ADCY1: variants seen among roughly 807,000 people sequenced by gnomAD.
ADCY1 encodes the protein adenylate cyclase type 1.
ADCY1 carries 28 observed loss-of-function variants against 105.4 expected under a neutral mutation model. The observed-to-expected ratio is 0.27, with a 90% confidence interval of 0.20 to 0.36. ADCY1 has a LOEUF of 0.36. Among genes scored for constraint, ADCY1 ranks in the 10% least tolerant of loss-of-function variants. The probability of loss-of-function intolerance (pLI) is 1.00; values close to 1 mark genes in which losing one functional copy is unlikely to be tolerated. For synonymous variants in ADCY1, 655 were observed against 623.8 expected (o/e 1.05, Z -0.75); for missense variants, 977 against 1,434.2 (o/e 0.68, Z 5.15).
chr7:45,658,277 T>G (rs996249851), intron 6 of ADCY1, among the ~76,000 whole-genome samples: 1 of 152,188 alleles, frequency 6.6e-6, no homozygotes, highest in African/African-American at 2.4e-5. Flanking sequence ...GCTGGGACTT[T>G]AGAGCTCCTT....
intron 8 of ADCY1, among the ~76,000 whole-genome samples, chr7:45,668,874 T>G (rs1049537405): frequency 1.3e-4 from 20 of 152,240 alleles, no homozygotes; most frequent in African/African-American, 2.9e-4. Context: ...TGTATGTGTC[T>G]AGGAATTTAT....
chr7:45,712,774 G>C (rs545133331), intron 19 of ADCY1, among the ~76,000 whole-genome samples: 1 of 152,254 alleles, frequency 6.6e-6, no homozygotes, highest in Admixed American at 6.5e-5. Context: ...ACATAACGCA[G>C]AGATACCAGT....
chr7:45,581,587 A>G (rs1250415809), intron 1 of ADCY1, among the ~76,000 whole-genome samples: 1 of 152,126 alleles, frequency 6.6e-6, no homozygotes, highest in Non-Finnish European at 1.5e-5. Context: ...CCCAAGCAGC[A>G]TGGGGGCTGA....
intron 2 of ADCY1, among the ~76,000 whole-genome samples, chr7:45,605,097 A>G (rs1793338199): frequency 6.6e-6 from 1 of 152,174 alleles, no homozygotes; most frequent in Non-Finnish European, 1.5e-5. Context: ...ATGGTATTGT[A>G]TCTTAAATAT....
chr7:45,614,499 T>A (rs1793682371), intron 3 of ADCY1, among the ~76,000 whole-genome samples: 1 of 152,248 alleles, frequency 6.6e-6, no homozygotes, highest in Non-Finnish European at 1.5e-5. Context: ...ACTCCGAGAC[T>A]AATAGAATAC....
chr7:45,661,401 G>C (rs981820383), intron 7 of ADCY1, among the ~76,000 whole-genome samples: 1 of 152,120 alleles, frequency 6.6e-6, no homozygotes, highest in African/African-American at 2.4e-5. Flanking sequence ...CATTCCTGGA[G>C]AGGAGATGGG....
rs1228587595 is a variant in ADCY1 at position 45,719,212 on chromosome 7, T to G, written c.*5217T>G. Reference sequence around the variant, plus strand: ...GGCAGCTGCTTCCTGCACATAGACATTCCTCCTGCGCAGGGCCAAGTGCCC... The same window carrying G: ...GGCAGCTGCTTCCTGCACATAGACAGTCCTCCTGCGCAGGGCCAAGTGCCC... On this transcript the variant is annotated 3_prime_UTR_variant, in exon 20 of 20. Coordinates refer to ENST00000297323, the MANE Select transcript of ADCY1 (RefSeq NM_021116.4). 1 of 152,432 alleles carries G rather than the reference T, an allele frequency of 6.6e-6. No individual in the cohort carries two copies. The highest frequency in any genetic ancestry group is 1.5e-5 in the Non-Finnish European group (1 of 68,134). 9.4% of individuals were successfully genotyped at this position (152,432 alleles called of 1,614,324 possible).
At chr7:45,605,671 T>G (rs1325247147) in intron 2 of ADCY1, among the ~76,000 whole-genome samples, 2 of 152,232 alleles carry the variant, frequency 1.3e-5, no homozygotes, top group African/African-American at 4.8e-5. Context: ...GGGTATATAC[T>G]TCTTGTTGCA....
intron 6 of ADCY1, among the ~76,000 whole-genome samples, chr7:45,658,220 C>T (rs1199901810): frequency 6.6e-6 from 1 of 152,250 alleles, no homozygotes; most frequent in African/African-American, 2.4e-5. Flanking sequence ...CATCACTTCT[C>T]TTTTTGCTGT....
rs1785388622 is a variant in ADCY1, at chr7:45,717,897, T to C, written c.*3902T>C. On this transcript the variant is annotated 3_prime_UTR_variant, in exon 20 of 20. Coordinates refer to ENST00000297323, the MANE Select transcript of ADCY1 (RefSeq NM_021116.4). ...AAGCAATAACTCTAACTCTATACTG[T>C]AGAGATGAGTCTGGTCCGAAGCAGA... The C allele has an allele frequency of 6.6e-6, 1 of 152,608 alleles. No individual in the cohort carries two copies. Among genetic ancestry groups the C allele is most frequent in the African/African-American group, 2.4e-5 (1 of 41,454 alleles). 9.5% of individuals were successfully genotyped at this position (152,608 alleles called of 1,614,324 possible).
intron 4 of ADCY1, among the ~76,000 whole-genome samples, chr7:45,634,907 C>A (rs1482754408): frequency 6.6e-6 from 1 of 152,102 alleles, no homozygotes; most frequent in African/African-American, 2.4e-5. Context: ...AGATATTAGT[C>A]TGTGGCTTTC....
Position 45,574,671 on chromosome 7 carries a change from C to G in ADCY1, c.128C>G (p.Pro43Arg), listed in dbSNP as rs1366391542. 18 of 1,364,994 alleles carry G rather than the reference C, an allele frequency of 1.3e-5. No homozygotes were observed. Among genetic ancestry groups the G allele is most frequent in the Non-Finnish European group, 1.4e-5 (15 of 1,063,330 alleles). 84.6% of individuals were successfully genotyped at this position (1,364,994 alleles called of 1,614,324 possible). A position where few individuals can be genotyped will look rare whatever the true frequency, so the allele number is the denominator to read the frequency against. ...GCGTGCGACGAGGAGTTCGCTTGCC[C>G]AGAGCTGGAGGCGCTGTTCCGCGGC... is the stretch of plus-strand genomic sequence containing the variant. Reference protein sequence around the residue: ...LRACDEEFACPELEALFRGYT... With the variant: ...LRACDEEFACRELEALFRGYT... Residue 43 changes from proline to arginine, a missense_variant, in exon 1 of 20, where the codon CCA becomes CGA. This residue lies in a region of ADCY1 where 209 missense variants were observed against 222.5 expected (regional missense o/e 0.94). Coordinates refer to ENST00000297323, the MANE Select transcript of ADCY1 (RefSeq NM_021116.4). The surrounding 1 kb of genome is among the most constrained non-coding windows in gnomAD (Gnocchi z 7.0).
Position 45,721,213 on chromosome 7 carries a change from G to A in ADCY1, c.*7218G>A, listed in dbSNP as rs1047068708. 2.0e-5 allele frequency: 3 copies of A among 152,364 alleles called. No individual in the cohort carries two copies. The highest frequency in any genetic ancestry group is 7.2e-5 in the African/African-American group (3 of 41,444). The allele number at this position is 152,364 out of a possible 1,614,324, so 9.4% of individuals were successfully genotyped here. A position where few individuals can be genotyped will look rare whatever the true frequency, so the allele number is the denominator to read the frequency against. ...CTCCAACTGCCCGCCCTCAGAGCAG[G>A]TGCCTAAGTCCTCCCTGGCACTGGC... On this transcript the variant is annotated 3_prime_UTR_variant, in exon 20 of 20. Transcript: ENST00000297323.
At chr7:45,622,815 T>C in intron 4 of ADCY1, 72 bp downstream of exon 4, 1 of 1,224,060 alleles carries the variant, frequency 8.2e-7, no homozygotes, top group South Asian at 1.3e-5. Context: ...CCAGGTGGAT[T>C]CCCTGTATTT....
In ADCY1 at chr7:45,714,069, C is replaced by T. The variant is rs1785317950; in HGVS notation, c.*74C>T. 1.2e-5 allele frequency: 8 copies of T among 654,034 alleles called. No individual in the cohort carries two copies. Among genetic ancestry groups the T allele is most frequent in the Non-Finnish European group, 2.2e-5 (8 of 358,492 alleles). The allele number at this position is 654,034 out of a possible 1,614,324, so 40.5% of individuals were successfully genotyped here. A position where few individuals can be genotyped will look rare whatever the true frequency, so the allele number is the denominator to read the frequency against. On this transcript the variant is annotated 3_prime_UTR_variant, in exon 20 of 20. Transcript: ENST00000297323. ...GGGGTGACACAGGCCACGGTGGCTC[C>T]AGCCAGGACCAGCCAGACCAGCAGA...
intron 2 of ADCY1, among the ~76,000 whole-genome samples, chr7:45,609,211 G>A (rs1457467405): frequency 2.6e-5 from 4 of 152,234 alleles, no homozygotes; most frequent in Non-Finnish European, 4.4e-5. Flanking sequence ...GAACGTGAAG[G>A]TGTCTGGGCA....
At chr7:45,665,958 G>A (rs1408723431) in intron 8 of ADCY1, among the ~76,000 whole-genome samples, 2 of 152,176 alleles carry the variant, frequency 1.3e-5, no homozygotes, top group African/African-American at 2.4e-5. Context: ...GGGTTAAATG[G>A]TGTGTCTGTT....
At chr7:45,674,169 A>T (rs983020188) in intron 8 of ADCY1, among the ~76,000 whole-genome samples, 5 of 151,608 alleles carry the variant, frequency 3.3e-5, no homozygotes, top group African/African-American at 1.2e-4. Flanking sequence ...GTTATTTTAA[A>T]TTTGTTGAGT....
intron 1 of ADCY1, among the ~76,000 whole-genome samples, chr7:45,585,736 C>T (rs1399669323): frequency 6.6e-6 from 1 of 152,166 alleles, no homozygotes; most frequent in African/African-American, 2.4e-5. Context: ...TGTGAGCCAC[C>T]ACACCTGGCC....
Sources: gnomAD v4.1 joint callset for allele counts (sites outside exome capture counted in the v4.1 genomes callset) on GRCh38, gnomAD v4.1.1 for gene constraint, gnomAD v4.1.1 regional missense constraint, Gnocchi (gnomAD v3.1) non-coding constraint, MANE v1.5 for transcripts, NCBI Gene and HGNC (gene_info 2026-07-23, HGNC 2026-07-21) for gene names.